ADGRB3: variants seen among roughly 807,000 people sequenced by gnomAD.
ADGRB3 encodes the protein adhesion G protein-coupled receptor B3.
Under a neutral mutation model 193.4 loss-of-function variants are expected in ADGRB3, and 37 were observed. The observed-to-expected ratio is 0.19, with a 90% CI of 0.15 to 0.25. The LOEUF (loss-of-function observed/expected upper bound fraction) is 0.25, where lower values mean the gene tolerates loss of function less well. ADGRB3 is among the 10% of genes least tolerant of loss of function. ADGRB3 has a pLI of 1.00. For missense variants in ADGRB3, 1,637 were observed against 1,852.9 expected (o/e 0.88, Z 2.14); for synonymous variants, 690 against 644.2 (o/e 1.07, Z -1.08).
At chr6:68,907,450 T>G (rs1766580155) in intron 3 of ADGRB3, among the ~76,000 whole-genome samples, 1 of 151,938 alleles carries the variant, frequency 6.6e-6, no homozygotes, top group African/African-American at 2.4e-5. Context: ...TGAGCATCCT[T>G]GATTTGTACT....
intron 3 of ADGRB3, among the ~76,000 whole-genome samples, chr6:68,737,123 G>T (rs1021550228): frequency 5.3e-5 from 8 of 152,070 alleles, no homozygotes; most frequent in African/African-American, 1.9e-4. Context: ...AAGAATAAAT[G>T]TTTTCATGCT....
intron 3 of ADGRB3, among the ~76,000 whole-genome samples, chr6:68,709,462 A>G (rs1179104270): frequency 6.6e-6 from 1 of 152,186 alleles, no homozygotes; most frequent in Non-Finnish European, 1.5e-5. Context: ...TTACATAACA[A>G]TAGGTAACTT....
chr6:69,379,992 G>T (rs1374753434), intron 30 of ADGRB3, among the ~76,000 whole-genome samples: 2 of 151,838 alleles, frequency 1.3e-5, no homozygotes, highest in African/African-American at 4.8e-5. Context: ...CGTAATATTG[G>T]TGACCAGCAT....
intron 8 of ADGRB3, among the ~76,000 whole-genome samples, chr6:68,961,905 T>G (rs1768243755): frequency 6.6e-6 from 1 of 152,196 alleles, no homozygotes; most frequent in South Asian, 2.1e-4. Flanking sequence ...TATTATTTTC[T>G]GCTTTCAGAT....
intron 13 of ADGRB3, among the ~76,000 whole-genome samples, chr6:69,041,782 G>A (rs1194987100): frequency 6.6e-6 from 1 of 151,998 alleles, no homozygotes; most frequent in Non-Finnish European, 1.5e-5. Context: ...AATATATATG[G>A]GGTCTCACTA....
chr6:68,726,984 T>G (rs1765685788), intron 3 of ADGRB3, among the ~76,000 whole-genome samples: 1 of 151,530 alleles, frequency 6.6e-6, no homozygotes, highest in Admixed American at 6.6e-5. Flanking sequence ...ATTTGCTCAG[T>G]CAACTTCACA....
intron 11 of ADGRB3, among the ~76,000 whole-genome samples, chr6:69,001,569 G>T (rs1769577725): frequency 6.6e-6 from 1 of 152,154 alleles, no homozygotes. Context: ...GAGAAAAGAA[G>T]AGAGCGTGTC....
chr6:68,639,368 C>T lies in ADGRB3; in HGVS notation c.693C>T (p.Thr231=), dbSNP rs779982210. 6.2e-7 allele frequency: 1 copy of T among 1,613,800 alleles called. No homozygotes were observed. The highest frequency in any genetic ancestry group is 8.5e-7 in the Non-Finnish European group (1 of 1,179,980). ...ATGAGCAGACAGAGGGCTGCCTGAC[C>T]CAGGAGCTGCAAACCACCCAAGTCT... ...PLNEQTEGCL[T]QELQTTQVCN... Residue 231 remains threonine, a synonymous_variant, in exon 3 of 32, where the codon ACC becomes ACT. Transcript: ENST00000370598.
intron 3 of ADGRB3, among the ~76,000 whole-genome samples, chr6:68,675,440 T>G (rs1307421864): frequency 2.0e-5 from 3 of 152,008 alleles, no homozygotes. Flanking sequence ...TAACTGGACT[T>G]AAAATTCAAA....
chr6:69,285,577 A>G (rs1008314869), intron 20 of ADGRB3, among the ~76,000 whole-genome samples: 3 of 152,084 alleles, frequency 2.0e-5, no homozygotes, highest in African/African-American at 7.2e-5. Context: ...AGGCTGAGGC[A>G]GGAGAATTGC....
chr6:69,192,404 G>T (rs1765209684), intron 17 of ADGRB3, among the ~76,000 whole-genome samples: 1 of 152,100 alleles, frequency 6.6e-6, no homozygotes, highest in Non-Finnish European at 1.5e-5. Context: ...CAGCTGATTA[G>T]ATGTTGTCCA....
At chr6:69,380,561 A>G (rs781674293) in intron 30 of ADGRB3, among the ~76,000 whole-genome samples, 3 of 151,956 alleles carry the variant, frequency 2.0e-5, no homozygotes, top group African/African-American at 4.8e-5. Flanking sequence ...AAATTGTCTG[A>G]ATCCTAGAAA....
At chr6:69,112,872 C>G (rs1221197712) in intron 17 of ADGRB3, among the ~76,000 whole-genome samples, 2 of 152,126 alleles carry the variant, frequency 1.3e-5, no homozygotes, top group African/African-American at 4.8e-5. Context: ...ATTCTCCTGC[C>G]TCTGCCTCCT....
chr6:68,833,594 A>G (rs1767994641), intron 3 of ADGRB3, among the ~76,000 whole-genome samples: 1 of 124,862 alleles, frequency 8.0e-6, no homozygotes, highest in African/African-American at 2.8e-5. Flanking sequence ...AAGTATTTGA[A>G]CTTAGAATCT....
At chr6:69,316,389 T>C (rs1248412424) in intron 20 of ADGRB3, among the ~76,000 whole-genome samples, 4 of 151,514 alleles carry the variant, frequency 2.6e-5, no homozygotes, top group Admixed American at 2.0e-4. Context: ...AGGAAAAATG[T>C]ATTTCTTAAA....
intron 29 of ADGRB3, among the ~76,000 whole-genome samples, chr6:69,371,176 A>G (rs1769698757): frequency 6.6e-6 from 1 of 152,098 alleles, no homozygotes; most frequent in South Asian, 2.1e-4. Context: ...TTTCACTTAA[A>G]ACATGAAACC....
At chr6:68,856,861 A>C (rs1361589877) in intron 3 of ADGRB3, among the ~76,000 whole-genome samples, 1 of 152,218 alleles carries the variant, frequency 6.6e-6, no homozygotes, top group African/African-American at 2.4e-5. Context: ...CCAGAGGCCT[A>C]GGAGGAAAAG....
chr6:68,783,723 G>T (rs1766905027), intron 3 of ADGRB3, among the ~76,000 whole-genome samples: 1 of 151,908 alleles, frequency 6.6e-6, no homozygotes, highest in Non-Finnish European at 1.5e-5. Flanking sequence ...AAAATGGGAA[G>T]CTGTTGATGA....
At chr6:69,193,855 C>G (rs1765246724) in intron 17 of ADGRB3, among the ~76,000 whole-genome samples, 1 of 151,782 alleles carries the variant, frequency 6.6e-6, no homozygotes, top group East Asian at 1.9e-4. Flanking sequence ...GGACTTGAAC[C>G]ATGAAAACCC....
Sources: allele counts gnomAD v4.1 joint callset (sites outside exome capture counted in the v4.1 genomes callset), GRCh38; gene constraint gnomAD v4.1.1; transcripts MANE v1.5; gene names NCBI Gene and HGNC (gene_info 2026-07-23, HGNC 2026-07-21).